The following USP20 variants were observed in gnomAD, a reference collection of about 807,000 sequenced individuals.
The protein encoded by USP20 is ubiquitin specific peptidase 20.
Under a neutral mutation model 124.2 loss-of-function variants are expected in USP20, and 80 were observed. The observed-to-expected ratio is 0.64, with a 90% confidence interval of 0.54 to 0.78. USP20 has a LOEUF of 0.78. Among genes scored for constraint, USP20 ranks in the 30% least tolerant of loss-of-function variants. The probability of loss-of-function intolerance (pLI) is 0.00; values close to 1 mark genes in which losing one functional copy is unlikely to be tolerated. For missense variants in USP20, 1,043 were observed against 1,244.4 expected, an observed-to-expected ratio of 0.84 and a Z score of 2.44; for synonymous variants, 481 against 512.3, an observed-to-expected ratio of 0.94 and a Z score of 0.83.
At chr9:129,873,095 TTTTTG>T in intron 15 of USP20, among the ~76,000 whole-genome samples, 1 of 142,286 alleles carries the variant, frequency 7.0e-6, no homozygotes, top group African/African-American at 2.6e-5. Context: ...TTTTTTTTTT[TTTTTG>T]AGATGGAGTT....
At position 129,865,304 on chromosome 9, in the gene USP20, C is replaced by T; in HGVS notation, c.613C>T (p.Pro205Ser). Residue 205 changes from proline (P) to serine (S), a missense_variant and splice_region_variant, in exon 10 of 26, where the codon CCA becomes TCA. Coordinates refer to ENST00000372429, the MANE Select transcript of USP20 (RefSeq NM_001110303.4). ...LVSEVWHKKR[P>S]SYVVPTSLSH... Reference sequence around the variant, plus strand: ...CTAATGGGTTTGGGCTTCCTACAGGCCAAGCTACGTGGTCCCCACCAGTCT... The same window carrying T: ...CTAATGGGTTTGGGCTTCCTACAGGTCAAGCTACGTGGTCCCCACCAGTCT... 1 of 1,614,086 alleles carries T rather than the reference C, an allele frequency of 6.2e-7. No homozygotes were observed. The highest frequency in any genetic ancestry group is 8.5e-7 in the Non-Finnish European group (1 of 1,179,950).
intron 9 of USP20, among the ~76,000 whole-genome samples, chr9:129,864,656 C>G (rs1352446008): frequency 1.3e-5 from 2 of 151,416 alleles, no homozygotes; most frequent in African/African-American, 4.9e-5. Context: ...CACCTGTATT[C>G]CCAGCACTTT....
chr9:129,874,521 G>T, intron 17 of USP20, 55 bp from the exon 18 acceptor site: 1 of 1,598,160 alleles, frequency 6.3e-7, no homozygotes, highest in Non-Finnish European at 8.5e-7. Flanking sequence ...GGGCAAGGCT[G>T]CGAGGGCCCG....
chr9:129,877,533 C>T (rs542277573), intron 22 of USP20, among the ~76,000 whole-genome samples: 23 of 151,292 alleles, frequency 1.5e-4, no homozygotes, highest in African/African-American at 5.1e-4. Flanking sequence ...AGAACACAAA[C>T]GAAAAAGAGA....
intron 21 of USP20, 36 bp from the exon 22 acceptor site, chr9:129,876,094 C>T: frequency 6.4e-7 from 1 of 1,573,178 alleles, no homozygotes. Context: ...TGGTACCCCG[C>T]TCAGGCCGTG....
At chr9:129,880,427 C>T in intron 25 of USP20, 40 bp from the exon 26 acceptor site, 2 of 1,053,390 alleles carry the variant, frequency 1.9e-6, no homozygotes, top group Non-Finnish European at 2.7e-6. Context: ...GGGCCCTGGA[C>T]ATGGCCCGGC....
rs533929051 is a variant in USP20 at position 129,836,949 on chromosome 9, A to C, written c.-129+1450A>C. On this transcript the variant is annotated intron_variant, in intron 1 of 25. Transcript: ENST00000372429. The stretch of plus-strand genomic sequence containing the variant: ...CTGCCCATCAAGCAGCCCATCCACC[A>C]GGGGGTACTGGACACTACTAAGGAA... 7.9e-5 allele frequency among the ~76,000 whole-genome samples: 12 copies of C among 151,588 alleles called. No individual in the cohort carries two copies. The South Asian group carries it at 2.5e-3, about 32-fold the overall frequency.
At chr9:129,853,980 C>T (rs2033081176) in intron 3 of USP20, among the ~76,000 whole-genome samples, 1 of 125,472 alleles carries the variant, frequency 8.0e-6, no homozygotes, top group Admixed American at 8.9e-5. Context: ...AAAACCAACA[C>T]CGTTCTAAAA....
chr9:129,878,838 C>G (rs1400656562), intron 23 of USP20, among the ~76,000 whole-genome samples: 2 of 152,262 alleles, frequency 1.3e-5, no homozygotes, highest in Non-Finnish European at 2.9e-5. Flanking sequence ...CAGTGAAGAA[C>G]AGCAGAACCA....
chr9:129,877,621 C>CT (rs1186708608), intron 22 of USP20, among the ~76,000 whole-genome samples: 5 of 151,938 alleles, frequency 3.3e-5, no homozygotes, highest in African/African-American at 1.2e-4. Context: ...TCACTTGAGC[C>CT]CAGGAGGTCA....
chr9:129,860,669 A>G (rs952577453), intron 6 of USP20, among the ~76,000 whole-genome samples: 2 of 152,150 alleles, frequency 1.3e-5, no homozygotes, highest in Non-Finnish European at 2.9e-5. Context: ...GTCAGCAGTG[A>G]GCTCTGATTG....
At position 129,868,322 on chromosome 9, in the gene USP20, G is replaced by A. The variant is rs1458705098; in HGVS notation, c.1008G>A (p.Gln336=). 1 of 1,613,676 alleles carries A rather than the reference G, an allele frequency of 6.2e-7. No individual in the cohort carries two copies. Among genetic ancestry groups the A allele is most frequent in the Non-Finnish European group, 8.5e-7 (1 of 1,179,972 alleles). The change falls in exon 11 of 26, where the codon CAG becomes CAA. Residue 336 remains glutamine, a synonymous_variant. Coordinates refer to ENST00000372429, the MANE Select transcript of USP20 (RefSeq NM_001110303.4). ...RMKDRKFSWG[Q]QRTNSEQVDE... ...AGGACCGCAAGTTCTCCTGGGGCCAGCAGCGTACAAACTCGGAGCAAGTGG... is the reference window on the plus strand; with the variant it reads ...AGGACCGCAAGTTCTCCTGGGGCCAACAGCGTACAAACTCGGAGCAAGTGG...
At chr9:129,862,010 AC>A (rs1437915810) in intron 8 of USP20, among the ~76,000 whole-genome samples, 1 of 152,236 alleles carries the variant, frequency 6.6e-6, no homozygotes, top group African/African-American at 2.4e-5. Context: ...ATTGCATGGT[AC>A]AATCCCGTTT....
chr9:129,868,418 A>G lies in USP20; in HGVS notation c.1104A>G (p.Ser368=). The G allele has an allele frequency of 6.2e-7, 1 of 1,611,918 alleles. No homozygotes were observed. The highest frequency in any genetic ancestry group is 8.5e-7 in the Non-Finnish European group (1 of 1,179,286). Residue 368 remains serine (S), a synonymous_variant, in exon 11 of 26, where the codon TCA becomes TCG. Coordinates refer to ENST00000372429, the MANE Select transcript of USP20 (RefSeq NM_001110303.4). ...DDQPAEAQPP[S]PRSSSPCRTP... is the part of the protein sequence containing the mutation. ...AGCCCGCGGAGGCCCAGCCCCCGTC[A>G]CCACGGTCCTCCAGCCCCTGCCGGA...
At chr9:129,841,200 C>A (rs117387813) in intron 1 of USP20, among the ~76,000 whole-genome samples, 1,818 of 152,336 alleles carry the variant, frequency 0.012, 17 homozygotes, top group Middle Eastern at 0.024. Flanking sequence ...CGTCTCAGAT[C>A]AAGGTGCCGA....
rs2131062838 is a variant in USP20, at chr9:129,858,747, T to C, written c.330+149T>C. 8 of 1,196,456 alleles carry C rather than the reference T, an allele frequency of 6.7e-6. No homozygotes were observed. The South Asian group carries it at 1.0e-4, about 15-fold the overall frequency. 74.1% of individuals were successfully genotyped at this position (1,196,456 alleles called of 1,614,324 possible). A position where few individuals can be genotyped will look rare whatever the true frequency, so the allele number is the denominator to read the frequency against. On this transcript the variant is annotated intron_variant, in intron 6 of 25. Coordinates refer to ENST00000372429, the MANE Select transcript of USP20 (RefSeq NM_001110303.4). ...ATGTTTTCAGGTGACTTTGAGGAGC[T>C]CACATCAGCACATGCTCACTGAGCC...
intron 11 of USP20, 26 bp downstream of exon 11, chr9:129,868,475 A>G (rs1588277039): frequency 2.5e-6 from 4 of 1,598,710 alleles, no homozygotes; most frequent in East Asian, 2.2e-5. Flanking sequence ...GGACTGCGGG[A>G]GGAACCTCAG....
At chr9:129,856,407 G>A in intron 4 of USP20, 47 bp downstream of exon 4, 1 of 1,599,280 alleles carries the variant, frequency 6.3e-7, no homozygotes. Context: ...GCTTCCACCT[G>A]TTATCAGCAC....
chr9:129,878,391 C>T lies in USP20; in HGVS notation c.2463C>T (p.Ser821=), dbSNP rs774840917. Residue 821 remains serine (S), a synonymous_variant, in exon 23 of 26, where the codon AGC becomes AGT. Coordinates refer to ENST00000372429, the MANE Select transcript of USP20 (RefSeq NM_001110303.4). The part of the protein sequence containing the change: ...EESPGVIYCI[S]MQWFREWEAF... The stretch of plus-strand genomic sequence containing the variant: ...CGCCGGGCGTCATCTACTGCATCAG[C>T]ATGCAGTGGTTCCGGGAGTGGGAGG... 1.2e-6 allele frequency: 2 copies of T among 1,610,770 alleles called. No homozygotes were observed. The highest frequency in any genetic ancestry group is 4.5e-5 in the East Asian group (2 of 44,794).
Sources: allele counts gnomAD v4.1 joint callset (sites outside exome capture counted in the v4.1 genomes callset), GRCh38; gene constraint gnomAD v4.1.1; transcripts MANE v1.5; gene names NCBI Gene and HGNC (gene_info 2026-07-23, HGNC 2026-07-21).